SPG7: variants seen among roughly 807,000 people sequenced by gnomAD.
SPG7 encodes SPG7 matrix AAA peptidase subunit, paraplegin.
Under a neutral mutation model 81.9 loss-of-function variants are expected in SPG7, and 103 were observed. The ratio of observed to expected loss-of-function variants is 1.26; its 90% CI spans 1.07 to 1.48. SPG7 has a LOEUF of 1.48. Ranked by LOEUF, SPG7 falls within the 40% of genes most tolerant of loss-of-function variation. SPG7 has a pLI of 0.00. For synonymous variants in SPG7, 534 were observed against 444.2 expected (o/e 1.20, Z -2.54); for missense variants, 1,241 against 1,087.3 (o/e 1.14, Z -1.99).
At chr16:89,553,738 G>A (rs1466205088) in intron 14 of SPG7, 56 bp from the exon 15 acceptor site, 2 of 1,577,412 alleles carry the variant, frequency 1.3e-6, no homozygotes, top group Admixed American at 1.7e-5. Flanking sequence ...CTGGGGCCCA[G>A]CACTGCTCTG....
At chr16:89,537,156 C>G in intron 9 of SPG7, 2 of 1,455,828 alleles carry the variant, frequency 1.4e-6, no homozygotes, top group South Asian at 1.4e-5. Context: ...TTGTTGCTTC[C>G]GTTCATGGAA....
At position 89,531,961 on chromosome 16, in the gene SPG7, G is replaced by C. The variant is rs141659620; in HGVS notation, c.1045G>C (p.Gly349Arg). 2.5e-6 allele frequency: 4 copies of C among 1,613,926 alleles called. No homozygotes were observed. The South Asian group carries it at 4.4e-5, about 18-fold the overall frequency. ...GGTCCCAAAGGGCGCACTGCTGCTC[G>C]GCCCCCCCGGCTGTGGGAAGACGCT... Reference protein sequence around the residue: ...AKVPKGALLLGPPGCGKTLLA... With the variant: ...AKVPKGALLLRPPGCGKTLLA... Residue 349 changes from glycine to arginine, a missense_variant, in exon 8 of 17, where the codon GGC (glycine) becomes CGC (arginine). Coordinates refer to ENST00000645818, the MANE Select transcript of SPG7 (RefSeq NM_003119.4).
At chr16:89,551,534 G>A (rs2058634306) in intron 13 of SPG7, 1 of 152,286 alleles carries the variant, frequency 6.6e-6, no homozygotes, top group Admixed American at 6.5e-5. Context: ...GCCCACTGTG[G>A]GGCGAGTGGA....
rs79179680 is a variant in SPG7 at position 89,536,520 on chromosome 16, C to G, written c.1324+3884C>G. Among the ~76,000 whole-genome samples the G allele has an allele frequency of 0.025, 1,240 of 49,602 alleles. 275 individuals are homozygous for G. The highest frequency in any genetic ancestry group is 0.054 in the East Asian group (49 of 908). 32.5% of individuals were successfully genotyped at this position (49,602 alleles called of 152,430 possible). On this transcript the variant is annotated intron_variant, in intron 9 of 16. Transcript: ENST00000645818. ...GCAGGTGAGGTGAGGCGGGTGAGGT[C>G]AGGTGAGGCGGGTGAGGTCAGGTGA... is the stretch of plus-strand genomic sequence containing the variant.
Position 89,530,702 on chromosome 16 carries a change from G to A in SPG7, c.881G>A (p.Arg294His), listed in dbSNP as rs115661328. The change falls in exon 7 of 17, where the codon CGT (arginine) becomes CAT (histidine). Residue 294 changes from arginine to histidine, a missense_variant. By Grantham distance (29) the Arg-to-His change is conservative. Coordinates refer to ENST00000645818, the MANE Select transcript of SPG7 (RefSeq NM_003119.4). ...GCACAGAATCAGCTTAAAATGGCTC[G>A]TTTCACCATTGTGGATGGGAAGATG... ...FSAFNQLKMA[R>H]FTIVDGKMGK... The A allele has an allele frequency of 2.0e-3, 3,227 of 1,614,072 alleles. 61 individuals are homozygous for A. In the African/African-American group the frequency reaches 0.039, roughly 20 times the overall value.
chr16:89,555,816 GA>G lies in SPG7; in HGVS notation c.2182-1069del, dbSNP rs1219113060. On this transcript the variant is annotated intron_variant, in intron 16 of 16. Coordinates refer to ENST00000645818, the MANE Select transcript of SPG7 (RefSeq NM_003119.4). ...TGCACGGCTCTTTGTCCCATGTTGT[GA>G]ACAGATGGGTAGGCAGTGGATAGGT... The G allele has an allele frequency of 1.0e-5, 4 of 398,476 alleles. No homozygotes were observed. The Admixed American group carries it at 1.3e-4, about 13-fold the overall frequency. The allele number at this position is 398,476 out of a possible 1,614,324, so 24.7% of individuals were successfully genotyped here. A position where few individuals can be genotyped will look rare whatever the true frequency, so the allele number is the denominator to read the frequency against.
intron 4 of SPG7, among the ~76,000 whole-genome samples, chr16:89,525,347 G>A (rs1220659525): frequency 2.0e-5 from 3 of 152,176 alleles, no homozygotes; most frequent in Non-Finnish European, 4.4e-5. Flanking sequence ...GCTCATTCAC[G>A]TAAATCCTCT....
At chr16:89,536,372 T>C (rs147634472) in intron 9 of SPG7, among the ~76,000 whole-genome samples, 2,974 of 148,704 alleles carry the variant, frequency 0.02, 68 homozygotes, top group Non-Finnish European at 0.032. Flanking sequence ...TGGAGGCTGC[T>C]CAAGGATGGG....
At chr16:89,534,689 A>G (rs1201503451) in intron 9 of SPG7, among the ~76,000 whole-genome samples, 2 of 152,192 alleles carry the variant, frequency 1.3e-5, no homozygotes, top group African/African-American at 4.8e-5. Context: ...TCATTGCAAA[A>G]TCACTTTAGA....
intron 12 of SPG7, chr16:89,549,349 G>A (rs1247263913): frequency 2.5e-6 from 1 of 401,068 alleles, no homozygotes; most frequent in Non-Finnish European, 5.0e-6. Context: ...AAGCTGAACA[G>A]GGGAGATTTA....
intron 12 of SPG7, chr16:89,550,292 C>T (rs1352661139): frequency 1.3e-5 from 7 of 542,516 alleles, no homozygotes; most frequent in Non-Finnish European, 2.0e-5. Flanking sequence ...CTTGCCTCAG[C>T]CTCCCAAGTA....
At chr16:89,515,118 A>G (rs1307296921) in intron 3 of SPG7, among the ~76,000 whole-genome samples, 3 of 149,262 alleles carry the variant, frequency 2.0e-5, no homozygotes, top group African/African-American at 2.5e-5. Context: ...TTGTATTTTT[A>G]GTAGAGACTC....
chr16:89,534,455 C>T (rs1015010920), intron 9 of SPG7, among the ~76,000 whole-genome samples: 4 of 152,232 alleles, frequency 2.6e-5, no homozygotes, highest in African/African-American at 9.7e-5. Flanking sequence ...GTACAAGCAT[C>T]TTCTGAAGTC....
chr16:89,524,188 C>A lies in SPG7; in HGVS notation c.559C>A (p.Pro187Thr). Reference protein sequence around the residue: ...KGEVQRVQVVPESDVVEVYLH... With the variant: ...KGEVQRVQVVTESDVVEVYLH... ...CGAGGTGCAGCGCGTCCAGGTGGTG[C>A]CTGAGAGCGACGTGGTGGAAGTCTA... The change falls in exon 4 of 17, where the codon CCT becomes ACT. Residue 187 changes from proline (P) to threonine (T), a missense_variant. By Grantham distance (38) the Pro-to-Thr change is conservative. Coordinates refer to ENST00000645818, the MANE Select transcript of SPG7 (RefSeq NM_003119.4). 6.2e-7 allele frequency: 1 copy of A among 1,613,868 alleles called. No homozygotes were observed. Among genetic ancestry groups the A allele is most frequent in the Non-Finnish European group, 8.5e-7 (1 of 1,179,996 alleles).
At chr16:89,540,157 A>G (rs1413510866) in intron 9 of SPG7, 1 of 152,108 alleles carries the variant, frequency 6.6e-6, no homozygotes, top group African/African-American at 2.4e-5. Context: ...GATTCCTCCC[A>G]CTTTGTTCTT....
At chr16:89,547,666 G>T (rs2058580432) in intron 11 of SPG7, 1 of 362,858 alleles carries the variant, frequency 2.8e-6, no homozygotes, top group Non-Finnish European at 5.4e-6. Context: ...AGACTGGAGT[G>T]CAGTGGCGTG....
At chr16:89,538,366 A>G (rs2058454209) in intron 9 of SPG7, 1 of 151,674 alleles carries the variant, frequency 6.6e-6, no homozygotes. Flanking sequence ...GCACGGGGGG[A>G]AATTCTCCCA....
rs112527507 is a variant in SPG7, at chr16:89,529,144, G to A, written c.759-333G>A. On this transcript the variant is annotated intron_variant, in intron 5 of 16. Coordinates refer to ENST00000645818, the MANE Select transcript of SPG7 (RefSeq NM_003119.4). ...TGCTTTTTACTCTTAGGCTGATCTTGCCTGCCTGATTGAAGCTGATCGCTT... is the reference window on the plus strand; with the variant it reads ...TGCTTTTTACTCTTAGGCTGATCTTACCTGCCTGATTGAAGCTGATCGCTT... The A allele has an allele frequency of 6.2e-3, 2,353 of 378,640 alleles. 47 individuals carry two copies. The highest frequency in any genetic ancestry group is 0.042 in the African/African-American group (2,025 of 47,806). 23.5% of individuals were successfully genotyped at this position (378,640 alleles called of 1,614,324 possible). A position where few individuals can be genotyped will look rare whatever the true frequency, so the allele number is the denominator to read the frequency against.
rs595869 is a variant in SPG7 at position 89,532,833 on chromosome 16, C to T, written c.1324+197C>T. The T allele has an allele frequency of 0.47, 299,867 of 643,468 alleles. 72,450 individuals are homozygous for T. The highest frequency in any genetic ancestry group is 0.69 in the East Asian group (23,663 of 34,210). The allele number at this position is 643,468 out of a possible 1,614,324, so 39.9% of individuals were successfully genotyped here. A position where few individuals can be genotyped will look rare whatever the true frequency, so the allele number is the denominator to read the frequency against. On this transcript the variant is annotated intron_variant, in intron 9 of 16. Coordinates refer to ENST00000645818, the MANE Select transcript of SPG7 (RefSeq NM_003119.4). ...GCGCAGTGGCTCACGCCTGTAATCC[C>T]AGCACTTTGGGAGGCCAAGACAGGC... is the stretch of plus-strand genomic sequence containing the variant.
Sources: allele counts gnomAD v4.1 joint callset (sites outside exome capture counted in the v4.1 genomes callset), GRCh38; gene constraint gnomAD v4.1.1; transcripts MANE v1.5; gene names NCBI Gene and HGNC (gene_info 2026-07-23, HGNC 2026-07-21).